Variants in NLGN1 observed in about 807,000 individuals in gnomAD.
NLGN1 encodes neuroligin 1.
Under a neutral mutation model 65.5 loss-of-function variants are expected in NLGN1, and 12 were observed. The ratio of observed to expected loss-of-function variants is 0.18; its 90% CI spans 0.12 to 0.30. The LOEUF (loss-of-function observed/expected upper bound fraction) is 0.30. NLGN1 is among the 10% of genes least tolerant of loss of function. NLGN1 has a pLI of 1.00. For missense variants in NLGN1, 750 were observed against 1,007.1 expected, an observed-to-expected ratio of 0.74 and a Z score of 3.46; for synonymous variants, 350 against 359.5, an observed-to-expected ratio of 0.97 and a Z score of 0.30.
At chr3:173,592,206 T>A (rs947803296) in intron 2 of NLGN1, among the ~76,000 whole-genome samples, 2 of 152,162 alleles carry the variant, frequency 1.3e-5, no homozygotes, top group Non-Finnish European at 2.9e-5. Context: ...CACCTGAAAA[T>A]AGTTTCAGAA....
Position 173,954,954 on chromosome 3 carries a change from AT to A in NLGN1, c.646+147132del, listed in dbSNP as rs200039212. On this transcript the variant is annotated intron_variant, in intron 4 of 6. Transcript: ENST00000457714. The stretch of plus-strand genomic sequence containing the variant: ...ACAGGTCGTAGAGAGGGAATTGGCA[AT>A]TTTTTTTTTCAGTCTAGGGCCAGGT... 4.7e-3 allele frequency among the ~76,000 whole-genome samples: 706 copies of A among 150,082 alleles called. 5 individuals are homozygous for A. The highest frequency in any genetic ancestry group is 0.014 in the Middle Eastern group (4 of 292).
chr3:173,677,127 A>G (rs1274844648), intron 3 of NLGN1, among the ~76,000 whole-genome samples: 2 of 151,918 alleles, frequency 1.3e-5, no homozygotes, highest in Admixed American at 1.3e-4. Flanking sequence ...GTGCTTCAAC[A>G]AGGACCAGGG....
At chr3:173,909,253 G>A (rs1007436994) in intron 4 of NLGN1, among the ~76,000 whole-genome samples, 2 of 152,068 alleles carry the variant, frequency 1.3e-5, no homozygotes, top group Non-Finnish European at 2.9e-5. Flanking sequence ...AATGGCATTT[G>A]GCACCTAGAA....
At position 174,062,952 on chromosome 3, in the gene NLGN1, C is replaced by T. The variant is rs1157243093; in HGVS notation, c.647-212363C>T. 2.0e-5 allele frequency among the ~76,000 whole-genome samples: 3 copies of T among 152,018 alleles called. No homozygotes were observed. In the East Asian group the frequency reaches 5.8e-4, roughly 29 times the overall value. On this transcript the variant is annotated intron_variant, in intron 4 of 6. Coordinates refer to ENST00000457714, the Ensembl canonical transcript of NLGN1. ...ATAACAACCAGAACCTTTGTCATGG[C>T]AATCTTATTCATTCATTTACTCATC...
intron 3 of NLGN1, among the ~76,000 whole-genome samples, chr3:173,780,516 G>A (rs1307568000): frequency 6.6e-6 from 1 of 152,150 alleles, no homozygotes; most frequent in Non-Finnish European, 1.5e-5. Flanking sequence ...TACCTTCAAT[G>A]CCACATGTAC....
chr3:173,926,999 A>G (rs771649625), intron 4 of NLGN1, among the ~76,000 whole-genome samples: 1 of 152,098 alleles, frequency 6.6e-6, no homozygotes, highest in Non-Finnish European at 1.5e-5. Flanking sequence ...TTTTCTCCCC[A>G]TGATCAGCAA....
chr3:174,254,158 C>T (rs962567441), intron 4 of NLGN1, among the ~76,000 whole-genome samples: 3 of 152,090 alleles, frequency 2.0e-5, no homozygotes, highest in Admixed American at 6.6e-5. Context: ...CAGGAGTTTG[C>T]CTCAGGATAT....
intron 3 of NLGN1, among the ~76,000 whole-genome samples, chr3:173,702,344 A>C (rs1578030614): frequency 6.6e-6 from 1 of 152,272 alleles, no homozygotes; most frequent in South Asian, 2.1e-4. Flanking sequence ...TCACGACAAG[A>C]ATTTATGTAT....
At chr3:173,944,581 G>A (rs1746814465) in intron 4 of NLGN1, among the ~76,000 whole-genome samples, 1 of 152,050 alleles carries the variant, frequency 6.6e-6, no homozygotes, top group African/African-American at 2.4e-5. Context: ...AAGAAGGAAT[G>A]GAAATATGAT....
At chr3:173,469,945 A>G (rs1725046238) in intron 2 of NLGN1, among the ~76,000 whole-genome samples, 1 of 151,054 alleles carries the variant, frequency 6.6e-6, no homozygotes, top group East Asian at 1.9e-4. Flanking sequence ...ATATATGCAT[A>G]CAATATATAA....
chr3:174,032,520 T>C (rs1730229589), intron 4 of NLGN1, among the ~76,000 whole-genome samples: 2 of 152,206 alleles, frequency 1.3e-5, no homozygotes, highest in Admixed American at 6.5e-5. Flanking sequence ...AGAAATGCAG[T>C]ATCTCAGGAA....
intron 4 of NLGN1, among the ~76,000 whole-genome samples, chr3:174,197,639 A>T (rs907975708): frequency 6.6e-6 from 1 of 151,998 alleles, no homozygotes; most frequent in Non-Finnish European, 1.5e-5. Flanking sequence ...CAATGAGGAC[A>T]ATACTTTTCT....
chr3:173,675,868 GTCTC>G (rs10635715), intron 3 of NLGN1, among the ~76,000 whole-genome samples: 6 of 132,620 alleles, frequency 4.5e-5, no homozygotes, highest in Admixed American at 7.5e-5. Context: ...CTCTCTCTTT[GTCTC>G]TCTCTCTCTC....
At chr3:173,511,374 A>G (rs979477500) in intron 2 of NLGN1, among the ~76,000 whole-genome samples, 1 of 152,170 alleles carries the variant, frequency 6.6e-6, no homozygotes, top group African/African-American at 2.4e-5. Flanking sequence ...TGGTACCTGC[A>G]TTGATACATC....
chr3:173,764,745 C>T (rs1778498521), intron 3 of NLGN1, among the ~76,000 whole-genome samples: 1 of 152,054 alleles, frequency 6.6e-6, no homozygotes, highest in South Asian at 2.1e-4. Flanking sequence ...TACTCAAAAA[C>T]ACAATTTTCT....
At chr3:173,465,846 C>T (rs1019168612) in intron 2 of NLGN1, among the ~76,000 whole-genome samples, 1 of 152,048 alleles carries the variant, frequency 6.6e-6, no homozygotes, top group African/African-American at 2.4e-5. Flanking sequence ...AAGATTCCAT[C>T]GACAGTGTGA....
At chr3:173,485,539 A>T (rs1560320705) in intron 2 of NLGN1, among the ~76,000 whole-genome samples, 1 of 152,150 alleles carries the variant, frequency 6.6e-6, no homozygotes, top group South Asian at 2.1e-4. Flanking sequence ...AAAAATTGCC[A>T]TGTTTAAAAT....
chr3:173,863,762 C>T (rs114638669), intron 4 of NLGN1, among the ~76,000 whole-genome samples: 1,615 of 152,236 alleles, frequency 0.011, 45 homozygotes, highest in African/African-American at 0.034. Context: ...AAATCAGCTG[C>T]GTTACTGGCA....
chr3:173,772,697 C>G (rs1051698105), intron 3 of NLGN1, among the ~76,000 whole-genome samples: 28 of 152,130 alleles, frequency 1.8e-4, no homozygotes, highest in African/African-American at 6.3e-4. Context: ...TTTTCTTCTC[C>G]TTCAACTTGT....
Sources: allele counts gnomAD v4.1 joint callset (sites outside exome capture counted in the v4.1 genomes callset), GRCh38; gene constraint gnomAD v4.1.1; transcripts MANE v1.5; gene names NCBI Gene and HGNC (gene_info 2026-07-23, HGNC 2026-07-21).